SOAT1: variants seen among roughly 807,000 people sequenced by gnomAD.
SOAT1 encodes the protein acyl-coenzyme A:cholesterol acyltransferase 1.
In SOAT1, 55 loss-of-function variants were observed where a neutral mutation model predicts 69.5. The ratio of observed to expected loss-of-function variants is 0.79; its 90% CI spans 0.64 to 0.99. SOAT1 has a LOEUF of 0.99. Among genes scored for constraint, SOAT1 ranks in the 50% least tolerant of loss-of-function variants. The pLI is 0.00. For missense variants in SOAT1, 580 were observed against 669.3 expected, an observed-to-expected ratio of 0.87 and a Z score of 1.47; for synonymous variants, 231 against 224.7, an observed-to-expected ratio of 1.03 and a Z score of -0.25.
chr1:179,307,434 G>A (rs1291294288), intron 2 of SOAT1, among the ~76,000 whole-genome samples: 1 of 152,130 alleles, frequency 6.6e-6, no homozygotes, highest in Non-Finnish European at 1.5e-5. Flanking sequence ...TAAAGGTGAT[G>A]TCCGTTCTCA....
chr1:179,351,324 C>T lies in SOAT1; in HGVS notation c.1458C>T (p.Phe486=). ...FVLFMFFGMA[F]NFIVNDSRKK... ...TTGCCTTCCTATTTTTAGTGGCTTT[C>T]AACTTCATTGTCAATGATAGTCGGA... The change falls in exon 15 of 16, where the codon TTC becomes TTT. Residue 486 remains phenylalanine (F), a synonymous_variant. Coordinates refer to ENST00000367619, the MANE Select transcript of SOAT1 (RefSeq NM_003101.6). 1 of 1,613,842 alleles carries T rather than the reference C, an allele frequency of 6.2e-7. No individual in the cohort carries two copies. The highest frequency in any genetic ancestry group is 8.5e-7 in the Non-Finnish European group (1 of 1,179,894).
At chr1:179,348,759 G>GGT (rs1666615180) in intron 12 of SOAT1, 85 bp from the exon 13 acceptor site, 2 of 637,542 alleles carry the variant, frequency 3.1e-6, no homozygotes, top group Non-Finnish European at 2.7e-6. Flanking sequence ...TTTCGGGTGG[G>GGT]ATGTGTGTGT....
At chr1:179,316,947 A>C (rs1665416300) in intron 2 of SOAT1, among the ~76,000 whole-genome samples, 1 of 152,216 alleles carries the variant, frequency 6.6e-6, no homozygotes, top group African/African-American at 2.4e-5. Context: ...AGTGAAAATA[A>C]TATACAAGAA....
chr1:179,322,162 G>A (rs574179127), intron 2 of SOAT1, among the ~76,000 whole-genome samples: 2 of 152,200 alleles, frequency 1.3e-5, no homozygotes, highest in East Asian at 3.9e-4. Context: ...AGGATTACAA[G>A]TGTGCACCCC....
At chr1:179,309,064 AC>A (rs1665128166) in intron 2 of SOAT1, among the ~76,000 whole-genome samples, 1 of 152,192 alleles carries the variant, frequency 6.6e-6, no homozygotes, top group African/African-American at 2.4e-5. Flanking sequence ...ATCATTGCTT[AC>A]TTGTACTGGT....
intron 1 of SOAT1, among the ~76,000 whole-genome samples, chr1:179,298,989 C>G (rs1217599508): frequency 6.6e-6 from 1 of 152,192 alleles, no homozygotes; most frequent in African/African-American, 2.4e-5. Flanking sequence ...GTACTCCACA[C>G]TAGATTTGGG....
chr1:179,333,569 G>A (rs1015015793), intron 3 of SOAT1, among the ~76,000 whole-genome samples: 2 of 151,020 alleles, frequency 1.3e-5, no homozygotes, highest in African/African-American at 4.9e-5. Context: ...GGCGGGGCAC[G>A]GTGGCTCACG....
chr1:179,314,191 G>A (rs748033271), intron 2 of SOAT1, among the ~76,000 whole-genome samples: 24 of 152,022 alleles, frequency 1.6e-4, no homozygotes, highest in Non-Finnish European at 2.9e-4. Flanking sequence ...CTCCCACAGC[G>A]CTCCTCTGTA....
intron 13 of SOAT1, among the ~76,000 whole-genome samples, chr1:179,349,306 T>G (rs1166717905): frequency 6.6e-6 from 1 of 151,372 alleles, no homozygotes; most frequent in Non-Finnish European, 1.5e-5. Context: ...CATTCGTTTT[T>G]CATGGTTAAA....
intron 2 of SOAT1, among the ~76,000 whole-genome samples, chr1:179,307,519 C>A (rs1665047940): frequency 6.6e-6 from 1 of 151,876 alleles, no homozygotes; most frequent in Non-Finnish European, 1.5e-5. Context: ...TCATTTGAGC[C>A]TAGGAGTTGG....
At chr1:179,311,092 G>A (rs1665205069) in intron 2 of SOAT1, among the ~76,000 whole-genome samples, 1 of 152,158 alleles carries the variant, frequency 6.6e-6, no homozygotes, top group Non-Finnish European at 1.5e-5. Flanking sequence ...GAGGCCAGAT[G>A]TGGTGGCTCA....
intron 11 of SOAT1, among the ~76,000 whole-genome samples, chr1:179,345,569 T>C (rs1405447167): frequency 3.1e-5 from 4 of 129,686 alleles, no homozygotes; most frequent in African/African-American, 7.7e-5. Context: ...TTTTCTTGCC[T>C]TTTTTTTTTT....
At chr1:179,341,365 A>G in intron 7 of SOAT1, 55 bp downstream of exon 7, 8 of 1,496,014 alleles carry the variant, frequency 5.3e-6, no homozygotes, top group Non-Finnish European at 7.4e-6. Context: ...AATAATAATA[A>G]TGATGATGAC....
At chr1:179,325,771 G>T (rs1433555690) in intron 3 of SOAT1, among the ~76,000 whole-genome samples, 1 of 152,128 alleles carries the variant, frequency 6.6e-6, no homozygotes, top group Non-Finnish European at 1.5e-5. Context: ...GGTTTTGGGG[G>T]AAAGGGGTAG....
intron 6 of SOAT1, among the ~76,000 whole-genome samples, chr1:179,340,626 GA>G (rs776914704): frequency 7.2e-4 from 109 of 152,074 alleles, no homozygotes; most frequent in Non-Finnish European, 1.3e-3. Context: ...TATTTCTTCT[GA>G]AAAATCATCT....
chr1:179,314,199 G>C (rs921159219), intron 2 of SOAT1, among the ~76,000 whole-genome samples: 4 of 152,144 alleles, frequency 2.6e-5, no homozygotes, highest in Admixed American at 6.5e-5. Flanking sequence ...GCGCTCCTCT[G>C]TATTGTCCTT....
intron 3 of SOAT1, among the ~76,000 whole-genome samples, chr1:179,329,463 C>T (rs11588531): frequency 0.08 from 12,151 of 152,148 alleles, 630 homozygotes; most frequent in Non-Finnish European, 0.12. Context: ...TGGTAGCTCA[C>T]GCCTGTAATC....
At chr1:179,296,597 T>A (rs960749210) in intron 1 of SOAT1, among the ~76,000 whole-genome samples, 4 of 152,348 alleles carry the variant, frequency 2.6e-5, no homozygotes, top group Middle Eastern at 3.4e-3. Context: ...AAGACCTAGT[T>A]CTGTGATATG....
chr1:179,322,715 T>C (rs1665644556), intron 2 of SOAT1, among the ~76,000 whole-genome samples: 1 of 152,198 alleles, frequency 6.6e-6, no homozygotes, highest in African/African-American at 2.4e-5. Flanking sequence ...CAAACACTAG[T>C]GAGGGGGTTA....
Sources: allele counts gnomAD v4.1 joint callset (sites outside exome capture counted in the v4.1 genomes callset), GRCh38; gene constraint gnomAD v4.1.1; transcripts MANE v1.5; gene names NCBI Gene and HGNC (gene_info 2026-07-23, HGNC 2026-07-21).